GPC5: variants seen among roughly 807,000 people sequenced by gnomAD.
GPC5 encodes the protein glypican-5.
Under a neutral mutation model 53.9 loss-of-function variants are expected in GPC5, and 47 were observed. The observed-to-expected ratio is 0.87, with a 90% CI of 0.69 to 1.11. The LOEUF (loss-of-function observed/expected upper bound fraction) is 1.11. GPC5 is among the 50% of genes most tolerant of loss of function. GPC5 has a pLI of 0.00. For synonymous variants in GPC5, 286 were observed against 263.3 expected, an observed-to-expected ratio of 1.09 and a Z score of -0.84; for missense variants, 748 against 713.1, an observed-to-expected ratio of 1.05 and a Z score of -0.56.
chr13:91,417,121 AAG>A (rs2138968051), intron 1 of GPC5, among the ~76,000 whole-genome samples: 1 of 152,270 alleles, frequency 6.6e-6, no homozygotes, highest in South Asian at 2.1e-4. Context: ...AGGGAGAAAT[AAG>A]AGTCTAGTAT....
At chr13:91,880,109 T>A (rs1219005049) in intron 5 of GPC5, among the ~76,000 whole-genome samples, 1 of 152,074 alleles carries the variant, frequency 6.6e-6, no homozygotes, top group Non-Finnish European at 1.5e-5. Flanking sequence ...TATAGGGACT[T>A]AAAATTTTTT....
intron 5 of GPC5, among the ~76,000 whole-genome samples, chr13:91,856,048 T>C (rs2038963651): frequency 6.6e-6 from 1 of 151,578 alleles, no homozygotes. Context: ...TTGGACTTCA[T>C]ATATTTTGTG....
chr13:92,853,719 G>C (rs1009984097), intron 7 of GPC5, among the ~76,000 whole-genome samples: 2 of 152,060 alleles, frequency 1.3e-5, no homozygotes, highest in African/African-American at 4.8e-5. Flanking sequence ...CATGTTCAGG[G>C]TTTCCATTGT....
chr13:91,691,112 T>C lies in GPC5; in HGVS notation c.326-2075T>C, dbSNP rs569008019. 8.5e-5 allele frequency among the ~76,000 whole-genome samples: 13 copies of C among 152,342 alleles called. No homozygotes were observed. In the South Asian group the frequency reaches 2.5e-3, roughly 29 times the overall value. On this transcript the variant is annotated intron_variant, in intron 2 of 7. Transcript: ENST00000377067. ...GATTCAATTCCGTTTTCACACTTTG[T>C]CCTGTGGATCTGTGAAAACAGAGTG...
intron 2 of GPC5, among the ~76,000 whole-genome samples, chr13:91,571,833 A>ACACATACGTGTGTGTGTG (rs760181408): frequency 1.1e-5 from 1 of 87,222 alleles, no homozygotes; most frequent in Non-Finnish European, 2.1e-5. Context: ...ATATATACAC[A>ACACATACGTGTGTGTGTG]TATACTTGTG....
intron 7 of GPC5, among the ~76,000 whole-genome samples, chr13:92,556,664 CT>C (rs1447878208): frequency 1.3e-5 from 2 of 151,764 alleles, no homozygotes; most frequent in Admixed American, 6.6e-5. Flanking sequence ...TGTTCAACCC[CT>C]TTTTTTAATG....
intron 7 of GPC5, among the ~76,000 whole-genome samples, chr13:92,282,839 G>A (rs887270211): frequency 2.0e-5 from 3 of 152,134 alleles, no homozygotes; most frequent in Non-Finnish European, 4.4e-5. Flanking sequence ...ATCAACTAGT[G>A]AGCAAAATAA....
chr13:91,684,446 T>C (rs1264876888), intron 2 of GPC5, among the ~76,000 whole-genome samples: 1 of 152,220 alleles, frequency 6.6e-6, no homozygotes, highest in Admixed American at 6.5e-5. Flanking sequence ...TCTTAGTTAA[T>C]GGTACCACTA....
At chr13:92,141,603 T>C (rs1369355357) in intron 6 of GPC5, among the ~76,000 whole-genome samples, 1 of 152,174 alleles carries the variant, frequency 6.6e-6, no homozygotes, top group Non-Finnish European at 1.5e-5. Flanking sequence ...AGTGTATTCA[T>C]GTATTCATTT....
chr13:92,408,414 T>C (rs1208729633), intron 7 of GPC5, among the ~76,000 whole-genome samples: 1 of 152,200 alleles, frequency 6.6e-6, no homozygotes. Flanking sequence ...CAATATAATA[T>C]GTAGAAGACA....
At chr13:92,164,023 C>T (rs1200632063) in intron 7 of GPC5, among the ~76,000 whole-genome samples, 1 of 152,172 alleles carries the variant, frequency 6.6e-6, no homozygotes, top group African/African-American at 2.4e-5. Context: ...AACTCAATCA[C>T]TATCATGAGA....
chr13:91,414,437 T>C (rs1226703384), intron 1 of GPC5, among the ~76,000 whole-genome samples: 1 of 152,248 alleles, frequency 6.6e-6, no homozygotes, highest in Non-Finnish European at 1.5e-5. Context: ...CTTGGGCAGT[T>C]CTTTATAGCA....
At position 92,857,263 on chromosome 13, in the gene GPC5, A is replaced by G. The variant is rs1473693118; in HGVS notation, c.1562-9019A>G. On this transcript the variant is annotated intron_variant, in intron 7 of 7. Transcript: ENST00000377067. ...ATGGTACTGGGAAAACTGGCTAACCATATACAGAAGAATTAAACTGGACTC... is the reference window on the plus strand; with the variant it reads ...ATGGTACTGGGAAAACTGGCTAACCGTATACAGAAGAATTAAACTGGACTC... Among the ~76,000 whole-genome samples, 4 of 152,218 alleles carry G rather than the reference A, an allele frequency of 2.6e-5. No homozygotes were observed. The East Asian group carries it at 7.7e-4, about 29-fold the overall frequency.
chr13:91,938,714 C>T (rs754247244), intron 6 of GPC5, among the ~76,000 whole-genome samples: 36 of 152,110 alleles, frequency 2.4e-4, no homozygotes, highest in Non-Finnish European at 4.6e-4. Flanking sequence ...TATATTTTAT[C>T]TGTCCTTATG....
intron 2 of GPC5, among the ~76,000 whole-genome samples, chr13:91,666,436 T>G (rs2035115382): frequency 6.6e-6 from 1 of 152,226 alleles, no homozygotes; most frequent in Admixed American, 6.5e-5. Flanking sequence ...TCTCATATAG[T>G]ACTTCAGTAT....
At chr13:92,844,827 T>G (rs1336949959) in intron 7 of GPC5, among the ~76,000 whole-genome samples, 1 of 152,208 alleles carries the variant, frequency 6.6e-6, no homozygotes, top group Non-Finnish European at 1.5e-5. Context: ...TGATTTCAAA[T>G]ATTTATACCA....
chr13:92,184,068 C>G (rs74381643), intron 7 of GPC5, among the ~76,000 whole-genome samples: 4,767 of 152,076 alleles, frequency 0.031, 270 homozygotes, highest in African/African-American at 0.11. Flanking sequence ...TCATATGGCT[C>G]TAATCCTGCC....
intron 7 of GPC5, among the ~76,000 whole-genome samples, chr13:92,170,000 A>G (rs1261046169): frequency 6.6e-6 from 1 of 152,048 alleles, no homozygotes; most frequent in Non-Finnish European, 1.5e-5. Context: ...ATAGCATAAA[A>G]TATTACAATG....
chr13:92,824,114 C>A (rs1289096871), intron 7 of GPC5, among the ~76,000 whole-genome samples: 1 of 151,992 alleles, frequency 6.6e-6, no homozygotes, highest in African/African-American at 2.4e-5. Context: ...TTCTTAAATC[C>A]TACATTCTAA....
Sources: gnomAD v4.1 joint callset for allele counts (sites outside exome capture counted in the v4.1 genomes callset) on GRCh38, gnomAD v4.1.1 for gene constraint, MANE v1.5 for transcripts, NCBI Gene and HGNC (gene_info 2026-07-23, HGNC 2026-07-21) for gene names.